Variants in GRM7 observed in about 807,000 individuals in gnomAD.
GRM7 encodes metabotropic glutamate receptor 7.
GRM7 carries 35 observed loss-of-function variants against 84.5 expected under a neutral mutation model. That is an observed-to-expected ratio of 0.41 (90% CI 0.32 to 0.55). The LOEUF is 0.55. Among genes scored for constraint, GRM7 ranks in the 20% least tolerant of loss-of-function variants. The pLI is 0.19. For synonymous variants in GRM7, 487 were observed against 455.1 expected, an observed-to-expected ratio of 1.07 and a Z score of -0.89; for missense variants, 1,003 against 1,194.6, an observed-to-expected ratio of 0.84 and a Z score of 2.36.
chr3:7,011,771 CT>C (rs1185639944), intron 1 of GRM7, among the ~76,000 whole-genome samples: 4 of 152,038 alleles, frequency 2.6e-5, no homozygotes, highest in Non-Finnish European at 5.9e-5. Context: ...ATGGAAGTCT[CT>C]TTTTTTCAGT....
chr3:7,580,888 A>C (rs1483397062), intron 8 of GRM7, among the ~76,000 whole-genome samples: 1 of 140,938 alleles, frequency 7.1e-6, no homozygotes, highest in African/African-American at 2.4e-5. Flanking sequence ...CAATAGAGAG[A>C]AGAAAAAAAA....
At chr3:7,719,039 A>C (rs534045507) in intron 9 of GRM7, among the ~76,000 whole-genome samples, 2 of 152,170 alleles carry the variant, frequency 1.3e-5, no homozygotes, top group African/African-American at 4.8e-5. Flanking sequence ...CATTCTCCCA[A>C]TGAGATGGGT....
In GRM7 at chr3:7,721,050, A is replaced by G. The variant is rs531657077; in HGVS notation, c.2699-19307A>G. Among the ~76,000 whole-genome samples, 7 of 152,364 alleles carry G rather than the reference A, an allele frequency of 4.6e-5. No individual in the cohort carries two copies. The East Asian group carries it at 7.7e-4, about 17-fold the overall frequency. On this transcript the variant is annotated intron_variant, in intron 9 of 9. Coordinates refer to ENST00000357716, the MANE Select transcript of GRM7 (RefSeq NM_000844.4). ...AAATGCTTAGCACTATTTCTAGCACATAGTAAATGCTCAACAGATGCTACT... is the reference window on the plus strand; with the variant it reads ...AAATGCTTAGCACTATTTCTAGCACGTAGTAAATGCTCAACAGATGCTACT...
At chr3:7,242,130 G>C (rs1320196804) in intron 2 of GRM7, among the ~76,000 whole-genome samples, 1 of 152,080 alleles carries the variant, frequency 6.6e-6, no homozygotes, top group Non-Finnish European at 1.5e-5. Flanking sequence ...TTCCCTGCAG[G>C]ATATATCTAG....
intron 8 of GRM7, among the ~76,000 whole-genome samples, chr3:7,594,978 C>T (rs578192815): frequency 4.5e-4 from 68 of 151,948 alleles, no homozygotes; most frequent in Non-Finnish European, 7.8e-4. Context: ...ATGTGTATTT[C>T]TGAGGCAATC....
chr3:7,104,282 G>A (rs746337324), intron 1 of GRM7, among the ~76,000 whole-genome samples: 1 of 151,418 alleles, frequency 6.6e-6, no homozygotes, highest in Non-Finnish European at 1.5e-5. Context: ...GACCAAAAAG[G>A]TTGACCTCTG....
chr3:7,509,968 A>G (rs1700149198), intron 7 of GRM7, among the ~76,000 whole-genome samples: 1 of 152,224 alleles, frequency 6.6e-6, no homozygotes, highest in Non-Finnish European at 1.5e-5. Context: ...AACTTGGAAC[A>G]TAAGCCAGTG....
intron 7 of GRM7, among the ~76,000 whole-genome samples, chr3:7,474,531 G>A (rs952942042): frequency 1.3e-5 from 2 of 151,356 alleles, no homozygotes. Context: ...CCTCAGTTGT[G>A]CACATACATA....
At chr3:7,713,352 G>A (rs140950320) in intron 9 of GRM7, among the ~76,000 whole-genome samples, 3,543 of 151,842 alleles carry the variant, frequency 0.023, 138 homozygotes, top group African/African-American at 0.081. Context: ...GGCCAGGCTG[G>A]TCTCGAACTC....
chr3:7,547,112 C>A (rs77829475), intron 7 of GRM7, among the ~76,000 whole-genome samples: 10,114 of 149,570 alleles, frequency 0.068, 489 homozygotes, highest in Non-Finnish European at 0.1. Context: ...GAAGTGTTAA[C>A]TAATGAACCC....
At chr3:7,294,511 C>G (rs190516990) in intron 2 of GRM7, among the ~76,000 whole-genome samples, 12 of 150,168 alleles carry the variant, frequency 8.0e-5, no homozygotes, top group Middle Eastern at 6.8e-3. Context: ...TAACAAAGCA[C>G]AATAATTTAC....
At chr3:7,147,376 G>A (rs919974966) in intron 2 of GRM7, among the ~76,000 whole-genome samples, 4 of 152,136 alleles carry the variant, frequency 2.6e-5, no homozygotes, top group African/African-American at 9.7e-5. Flanking sequence ...TCCCCATATG[G>A]ATGTATTGGA....
chr3:7,187,334 C>T (rs1445258859), intron 2 of GRM7, among the ~76,000 whole-genome samples: 1 of 152,156 alleles, frequency 6.6e-6, no homozygotes, highest in African/African-American at 2.4e-5. Context: ...GCTCAGATTT[C>T]TATAAGTAGC....
At chr3:7,584,057 A>G (rs1390482137) in intron 8 of GRM7, among the ~76,000 whole-genome samples, 1 of 152,178 alleles carries the variant, frequency 6.6e-6, no homozygotes, top group Admixed American at 6.5e-5. Flanking sequence ...AAATATGACA[A>G]GTGGACTGAA....
chr3:7,547,293 AC>A (rs1298395087), intron 7 of GRM7, among the ~76,000 whole-genome samples: 1 of 124,828 alleles, frequency 8.0e-6, no homozygotes, highest in Non-Finnish European at 1.6e-5. Context: ...TGCAAGCTCC[AC>A]CCCCCGGGTT....
intron 1 of GRM7, among the ~76,000 whole-genome samples, chr3:6,962,870 G>C (rs1342353445): frequency 6.6e-6 from 1 of 152,150 alleles, no homozygotes. Flanking sequence ...AAAAGAAAAG[G>C]AACAAATGCT....
Position 7,740,445 on chromosome 3 carries a change from T to C in GRM7, c.*39T>C, listed in dbSNP as rs1253790003. On this transcript the variant is annotated 3_prime_UTR_variant, in exon 10 of 10. Coordinates refer to ENST00000357716, the MANE Select transcript of GRM7 (RefSeq NM_000844.4). ...ATGGAACCATGGAGGAGGAAGACCC[T>C]CAGTTATTTTGTCACCCAACCTGGC... 6.6e-6 allele frequency: 8 copies of C among 1,214,238 alleles called. No homozygotes were observed. Among genetic ancestry groups the C allele is most frequent in the Non-Finnish European group, 9.4e-6 (8 of 849,120 alleles). 75.2% of individuals were successfully genotyped at this position (1,214,238 alleles called of 1,614,324 possible). A position where few individuals can be genotyped will look rare whatever the true frequency, so the allele number is the denominator to read the frequency against.
chr3:7,415,223 G>C, intron 5 of GRM7, 60 bp downstream of exon 5: 1 of 1,383,370 alleles, frequency 7.2e-7, no homozygotes, highest in Non-Finnish European at 1.0e-6. Context: ...TGACATGTCT[G>C]CATAGCTGAC....
intron 1 of GRM7, among the ~76,000 whole-genome samples, chr3:7,088,515 A>T (rs1421074640): frequency 2.0e-5 from 3 of 150,272 alleles, no homozygotes; most frequent in Non-Finnish European, 4.4e-5. Flanking sequence ...CTACATTTGC[A>T]GTGCCAGGGA....
Sources: allele counts gnomAD v4.1 joint callset (sites outside exome capture counted in the v4.1 genomes callset), GRCh38; gene constraint gnomAD v4.1.1; transcripts MANE v1.5; gene names NCBI Gene and HGNC (gene_info 2026-07-23, HGNC 2026-07-21).